The following SUCLG2 variants were observed in gnomAD, a reference collection of about 807,000 sequenced individuals.
SUCLG2 encodes the protein succinate-CoA ligase GDP-forming subunit beta.
Under a neutral mutation model 47.9 loss-of-function variants are expected in SUCLG2, and 42 were observed. The observed-to-expected ratio is 0.88, with a 90% CI of 0.69 to 1.14. SUCLG2 has a LOEUF of 1.14. Ranked by LOEUF, SUCLG2 falls within the 50% of genes most tolerant of loss-of-function variation. The probability of loss-of-function intolerance (pLI) is 0.00; values close to 1 mark genes in which losing one functional copy is unlikely to be tolerated. For synonymous variants in SUCLG2, 195 were observed against 197.3 expected (o/e 0.99, Z 0.10); for missense variants, 571 against 525.9 (o/e 1.09, Z -0.84).
At chr3:67,496,486 T>C (rs1705343033) in intron 8 of SUCLG2, among the ~76,000 whole-genome samples, 1 of 152,226 alleles carries the variant, frequency 6.6e-6, no homozygotes. Flanking sequence ...TATACTTTTT[T>C]ACACTTAGTA....
intron 9 of SUCLG2, among the ~76,000 whole-genome samples, chr3:67,486,154 A>G (rs1270597810): frequency 1.3e-5 from 2 of 152,020 alleles, no homozygotes; most frequent in East Asian, 3.9e-4. Flanking sequence ...AGTCCTAGCA[A>G]CTCAGGAGGC....
At chr3:67,486,519 G>A (rs565328446) in intron 9 of SUCLG2, among the ~76,000 whole-genome samples, 2 of 152,132 alleles carry the variant, frequency 1.3e-5, no homozygotes, top group Non-Finnish European at 2.9e-5. Context: ...ATTTTCATCA[G>A]CAGATCAATT....
At chr3:67,478,495 GA>G (rs1356307043) in intron 9 of SUCLG2, among the ~76,000 whole-genome samples, 2 of 152,152 alleles carry the variant, frequency 1.3e-5, no homozygotes, top group Non-Finnish European at 2.9e-5. Flanking sequence ...ACAAACAAAT[GA>G]AAAATCCTAA....
rs775519849 is a variant in SUCLG2 at position 67,654,563 on chromosome 3, C to A, written c.24G>T (p.Gln8His). ...CTAGGGCTCGCAGAAGCTTCCCGGCCTGCGCTGCTACGGGGGACGCCATCT... is the reference window on the plus strand; with the variant it reads ...CTAGGGCTCGCAGAAGCTTCCCGGCATGCGCTGCTACGGGGGACGCCATCT... The part of the protein sequence containing the change: MASPVAA[Q>H]AGKLLRALAL... Residue 8 changes from glutamine to histidine, a missense_variant, in exon 1 of 11, where the codon CAG (glutamine) becomes CAT (histidine). By Grantham distance (24) the Gln-to-His change is conservative (BLOSUM62 0). Transcript: ENST00000307227. 1.6e-6 allele frequency: 2 copies of A among 1,273,614 alleles called. No homozygotes were observed. Among genetic ancestry groups the A allele is most frequent in the East Asian group, 5.9e-5 (2 of 34,140 alleles). The allele number at this position is 1,273,614 out of a possible 1,614,324, so 78.9% of individuals were successfully genotyped here.
intron 10 of SUCLG2, among the ~76,000 whole-genome samples, chr3:67,385,425 T>C (rs1442300677): frequency 1.3e-5 from 2 of 152,210 alleles, no homozygotes; most frequent in Admixed American, 1.3e-4. Context: ...GGACAGTCAT[T>C]AGTGTAACCC....
chr3:67,372,929 T>C (rs1004853995), downstream of SUCLG2, among the ~76,000 whole-genome samples: 1 of 152,174 alleles, frequency 6.6e-6, no homozygotes, highest in East Asian at 1.9e-4. Context: ...TCAGCTCTGC[T>C]GTGTAGCATG....
At chr3:67,648,229 C>G (rs190054778) in intron 1 of SUCLG2, among the ~76,000 whole-genome samples, 1 of 152,114 alleles carries the variant, frequency 6.6e-6, no homozygotes, top group Non-Finnish European at 1.5e-5. Flanking sequence ...ATTTGAACTC[C>G]GTTGAATTTG....
At chr3:67,442,059 G>A (rs1240633927) in intron 9 of SUCLG2, among the ~76,000 whole-genome samples, 9 of 143,480 alleles carry the variant, frequency 6.3e-5, no homozygotes, top group Non-Finnish European at 9.1e-5. Context: ...CGCCCAGGCT[G>A]GAGTGCAGTG....
intron 9 of SUCLG2, among the ~76,000 whole-genome samples, chr3:67,405,929 T>C (rs1298287956): frequency 1.3e-5 from 2 of 152,124 alleles, no homozygotes; most frequent in Non-Finnish European, 2.9e-5. Context: ...CATCCCCAAA[T>C]TGAGGTGAAG....
intron 10 of SUCLG2, among the ~76,000 whole-genome samples, chr3:67,361,236 C>G (rs529065388): frequency 1.3e-5 from 2 of 151,704 alleles, no homozygotes; most frequent in South Asian, 4.2e-4. Context: ...GGTAATTATA[C>G]TTTTCTATTA....
chr3:67,649,836 G>T (rs1300282492), intron 1 of SUCLG2, among the ~76,000 whole-genome samples: 1 of 152,164 alleles, frequency 6.6e-6, no homozygotes. Context: ...AAGGACAAAT[G>T]ATCTGAGGTT....
intron 1 of SUCLG2, among the ~76,000 whole-genome samples, 165 bp downstream of exon 1, chr3:67,654,338 G>A (rs1234609136): frequency 6.6e-6 from 1 of 152,194 alleles, no homozygotes; most frequent in Admixed American, 6.5e-5. Flanking sequence ...CACTGGAGCG[G>A]GGTTCCCTGC....
At chr3:67,378,552 C>T (rs1460849112) in intron 10 of SUCLG2, among the ~76,000 whole-genome samples, 1 of 152,132 alleles carries the variant, frequency 6.6e-6, no homozygotes, top group Non-Finnish European at 1.5e-5. Context: ...CAAATTCTTC[C>T]CTAGTCAAGC....
At chr3:67,496,359 C>T (rs1440776845) in intron 8 of SUCLG2, among the ~76,000 whole-genome samples, 3 of 152,168 alleles carry the variant, frequency 2.0e-5, no homozygotes, top group Non-Finnish European at 2.9e-5. Context: ...TTTTAATATA[C>T]TTTAAGAGAC....
chr3:67,369,688 C>T lies in SUCLG2; in HGVS notation c.1184-8920G>A, dbSNP rs566589949. 4.5e-4 allele frequency among the ~76,000 whole-genome samples: 69 copies of T among 152,306 alleles called. 1 individual carries two copies. Among genetic ancestry groups the T allele is most frequent in the Non-Finnish European group, 6.8e-4 (46 of 68,020 alleles). Reference sequence around the variant, plus strand: ...TGCTAAGCATCTACCTAGTTGGAGGCGTATGCCGTTGCCATTTATTAGCTC... The same window carrying T: ...TGCTAAGCATCTACCTAGTTGGAGGTGTATGCCGTTGCCATTTATTAGCTC... On this transcript the variant is annotated intron_variant, in intron 10 of 10. Transcript: ENST00000493112.
chr3:67,627,718 C>T lies in SUCLG2; in HGVS notation c.85-18122G>A, dbSNP rs150426406. Among the ~76,000 whole-genome samples the T allele has an allele frequency of 2.1e-3, 314 of 152,326 alleles. 2 individuals are homozygous for T. Among genetic ancestry groups the T allele is most frequent in the African/African-American group, 7.2e-3 (298 of 41,582 alleles). On this transcript the variant is annotated intron_variant, in intron 1 of 10. Transcript: ENST00000307227. The stretch of plus-strand genomic sequence containing the variant: ...TTCTAATGTTTTGTCACCATAGCCC[C>T]TGGCCCCACAGCTCCTCATCCTGGC...
At position 67,437,301 on chromosome 3, in the gene SUCLG2, G is replaced by A. The variant is rs1473200767; in HGVS notation, c.1063-36450C>T. On this transcript the variant is annotated intron_variant, in intron 9 of 10. Coordinates refer to ENST00000307227, the MANE Select transcript of SUCLG2 (RefSeq NM_003848.4). Reference sequence around the variant, plus strand: ...CAAGAGCCTGAACAACAAGAGATAAGGATCAATCACTAGGGGCCATTTTAA... The same window carrying A: ...CAAGAGCCTGAACAACAAGAGATAAAGATCAATCACTAGGGGCCATTTTAA... 3.3e-5 allele frequency among the ~76,000 whole-genome samples: 5 copies of A among 152,228 alleles called. No homozygotes were observed. The South Asian group carries it at 1.0e-3, about 32-fold the overall frequency.
intron 9 of SUCLG2, among the ~76,000 whole-genome samples, chr3:67,488,183 TTG>T (rs1705110092): frequency 6.6e-6 from 1 of 152,102 alleles, no homozygotes; most frequent in Non-Finnish European, 1.5e-5. Flanking sequence ...TCTCTTTTGT[TTG>T]TCCTTATTTT....
chr3:67,422,980 G>T (rs1180608749), intron 9 of SUCLG2, among the ~76,000 whole-genome samples: 1 of 152,156 alleles, frequency 6.6e-6, no homozygotes. Context: ...AATTTATTAG[G>T]CTGAAGAAGG....
Sources: gnomAD v4.1 joint callset for allele counts (sites outside exome capture counted in the v4.1 genomes callset) on GRCh38, gnomAD v4.1.1 for gene constraint, MANE v1.5 for transcripts, NCBI Gene and HGNC (gene_info 2026-07-23, HGNC 2026-07-21) for gene names.